The following NR1H4 variants were observed in gnomAD, a reference collection of about 807,000 sequenced individuals.
NR1H4 encodes nuclear receptor subfamily 1 group H member 4, also known as bile acid receptor.
In NR1H4, 23 loss-of-function variants were observed where a neutral mutation model predicts 58.5. The observed-to-expected ratio is 0.39, with a 90% CI of 0.28 to 0.56. NR1H4 has a LOEUF of 0.56. Among genes scored for constraint, NR1H4 ranks in the 20% least tolerant of loss-of-function variants. The probability of loss-of-function intolerance (pLI) is 0.58; values close to 1 mark genes in which losing one functional copy is unlikely to be tolerated. For missense variants in NR1H4, 487 were observed against 576.9 expected (o/e 0.84, Z 1.60); for synonymous variants, 214 against 198.0 (o/e 1.08, Z -0.68).
chr12:100,512,545 G>T (rs1157686968), intron 4 of NR1H4, among the ~76,000 whole-genome samples: 1 of 151,866 alleles, frequency 6.6e-6, no homozygotes, highest in African/African-American at 2.4e-5. Context: ...GGAGGCTGAG[G>T]CAGGAGAATG....
intron 9 of NR1H4, 74 bp downstream of exon 9, chr12:100,540,892 C>G (rs953110126): frequency 7.0e-7 from 1 of 1,423,486 alleles, no homozygotes; most frequent in African/African-American, 1.4e-5. Context: ...GGGTGGGGCT[C>G]TTGCCAATCT....
intron 3 of NR1H4, among the ~76,000 whole-genome samples, chr12:100,504,730 T>C (rs917214438): frequency 6.6e-6 from 1 of 152,210 alleles, no homozygotes; most frequent in Admixed American, 6.5e-5. Flanking sequence ...TCCATGTCTT[T>C]CCCAGGTTCA....
chr12:100,518,445 A>T (rs2136188198), intron 4 of NR1H4, among the ~76,000 whole-genome samples: 2 of 152,362 alleles, frequency 1.3e-5, no homozygotes, highest in East Asian at 3.9e-4. Flanking sequence ...GAGCAGAGAA[A>T]GACAAAATTT....
intron 4 of NR1H4, among the ~76,000 whole-genome samples, chr12:100,522,954 G>A (rs1481160171): frequency 6.6e-6 from 1 of 152,118 alleles, no homozygotes; most frequent in African/African-American, 2.4e-5. Flanking sequence ...TCCACTCATT[G>A]GTTGATGGGC....
At chr12:100,478,582 C>T (rs1463210219) in intron 1 of NR1H4, among the ~76,000 whole-genome samples, 1 of 152,194 alleles carries the variant, frequency 6.6e-6, no homozygotes, top group Non-Finnish European at 1.5e-5. Context: ...TCCTCTACTT[C>T]ACTGTTTCAA....
intron 3 of NR1H4, among the ~76,000 whole-genome samples, chr12:100,505,329 A>G (rs972111891): frequency 3.3e-5 from 5 of 152,210 alleles, no homozygotes; most frequent in African/African-American, 9.7e-5. Context: ...TTAGAGCTGC[A>G]CTGGCTAATA....
chr12:100,518,777 T>C (rs907796149), intron 4 of NR1H4, among the ~76,000 whole-genome samples: 8 of 151,618 alleles, frequency 5.3e-5, no homozygotes, highest in Non-Finnish European at 1.2e-4. Context: ...AACACTGTTC[T>C]TGACCAATGA....
At position 100,561,986 on chromosome 12, in the gene NR1H4, A is replaced by T; in HGVS notation, c.1180A>T (p.Ile394Phe). ...EEYALLTAIV[I>F]LSPDRQYIKD... ...GTATGCTCTGCTTACAGCAATTGTT[A>T]TCCTGTCTCCAGGTAATTCCAATGT... Residue 394 changes from isoleucine (I) to phenylalanine (F), a missense_variant, in exon 10 of 11, where the codon ATC (isoleucine) becomes TTC (phenylalanine). Transcript: ENST00000392986. 1 of 1,485,424 alleles carries T rather than the reference A, an allele frequency of 6.7e-7. No homozygotes were observed. The highest frequency in any genetic ancestry group is 9.4e-7 in the Non-Finnish European group (1 of 1,062,890). 92.0% of individuals were successfully genotyped at this position (1,485,424 alleles called of 1,614,324 possible).
At chr12:100,501,975 G>A (rs564979493) in intron 3 of NR1H4, among the ~76,000 whole-genome samples, 1 of 152,216 alleles carries the variant, frequency 6.6e-6, no homozygotes, top group African/African-American at 2.4e-5. Flanking sequence ...ATGTACAAAA[G>A]TTATGCTGAA....
At chr12:100,503,566 G>T in intron 3 of NR1H4, 2 of 1,417,814 alleles carry the variant, frequency 1.4e-6, no homozygotes, top group Middle Eastern at 1.8e-4. Context: ...TGGGGACTTT[G>T]GTTGGAGATG....
chr12:100,553,396 G>A (rs998330112), intron 9 of NR1H4, among the ~76,000 whole-genome samples: 1 of 152,164 alleles, frequency 6.6e-6, no homozygotes, highest in East Asian at 1.9e-4. Flanking sequence ...CCTAGAAAAG[G>A]AAGTAACTAA....
chr12:100,518,353 T>C (rs1313561939), intron 4 of NR1H4, among the ~76,000 whole-genome samples: 1 of 152,034 alleles, frequency 6.6e-6, no homozygotes, highest in Non-Finnish European at 1.5e-5. Flanking sequence ...GGCAAGGAGA[T>C]GGAGAAAGTA....
At chr12:100,478,059 G>C (rs1337874342) in intron 1 of NR1H4, among the ~76,000 whole-genome samples, 1 of 152,138 alleles carries the variant, frequency 6.6e-6, no homozygotes, top group Non-Finnish European at 1.5e-5. Context: ...ACAACACCAA[G>C]ATTGAGCCCT....
In NR1H4 at chr12:100,516,686, G is replaced by T. The variant is rs117456262; in HGVS notation, c.445+5543G>T. ...CGGCCGATGACATGCTAATTCTTAT[G>T]GTAGGCATTTTGGAAACATTCTCTC... On this transcript the variant is annotated intron_variant, in intron 4 of 10. Coordinates refer to ENST00000392986, the MANE Select transcript of NR1H4 (RefSeq NM_001206979.2). 1.5e-3 allele frequency among the ~76,000 whole-genome samples: 229 copies of T among 152,186 alleles called. 6 individuals carry two copies. The East Asian group carries it at 0.031, about 21-fold the overall frequency.
chr12:100,481,459 G>A (rs550860118), intron 1 of NR1H4, among the ~76,000 whole-genome samples: 2 of 152,230 alleles, frequency 1.3e-5, no homozygotes, highest in South Asian at 4.1e-4. Flanking sequence ...AATTAACAAC[G>A]GGAAATTCGC....
intron 3 of NR1H4, among the ~76,000 whole-genome samples, chr12:100,499,057 A>G (rs903563685): frequency 1.8e-4 from 27 of 152,186 alleles, no homozygotes; most frequent in African/African-American, 6.5e-4. Context: ...CAGCCTCTTC[A>G]TGCTTTATTT....
intron 8 of NR1H4, among the ~76,000 whole-genome samples, chr12:100,540,336 G>C (rs1954906197): frequency 6.6e-6 from 1 of 152,124 alleles, no homozygotes; most frequent in Admixed American, 6.5e-5. Flanking sequence ...CTGCAGAGTT[G>C]ACCCTGTCAC....
intron 3 of NR1H4, among the ~76,000 whole-genome samples, chr12:100,495,822 C>T (rs141086787): frequency 9.1e-4 from 138 of 152,176 alleles, no homozygotes; most frequent in African/African-American, 3.2e-3. Flanking sequence ...TCTTCCTCAT[C>T]TTCTTGTGTG....
At chr12:100,553,080 C>T (rs1426185598) in intron 9 of NR1H4, among the ~76,000 whole-genome samples, 6 of 152,038 alleles carry the variant, frequency 3.9e-5, no homozygotes, top group Admixed American at 1.3e-4. Context: ...CTCGCTGCAA[C>T]CTCCGTCTCT....
Sources: gnomAD v4.1 joint callset for allele counts (sites outside exome capture counted in the v4.1 genomes callset) on GRCh38, gnomAD v4.1.1 for gene constraint, MANE v1.5 for transcripts, NCBI Gene and HGNC (gene_info 2026-07-23, HGNC 2026-07-21) for gene names.